Variants in AGBL4 observed in about 807,000 individuals in gnomAD.
AGBL4 encodes the protein AGBL carboxypeptidase 4.
Under a neutral mutation model 66.4 loss-of-function variants are expected in AGBL4, and 58 were observed. The observed-to-expected ratio is 0.87, with a 90% CI of 0.71 to 1.09. The LOEUF (loss-of-function observed/expected upper bound fraction) is 1.09. Ranked by LOEUF, AGBL4 falls within the 50% of genes least tolerant of loss-of-function variation. AGBL4 has a pLI of 0.00. For synonymous variants in AGBL4, 234 were observed against 222.9 expected (o/e 1.05, Z -0.44); for missense variants, 579 against 631.0 (o/e 0.92, Z 0.88).
At chr1:48,683,454 C>G (rs928778687) in intron 6 of AGBL4, among the ~76,000 whole-genome samples, 3 of 152,248 alleles carry the variant, frequency 2.0e-5, no homozygotes, top group Non-Finnish European at 2.9e-5. Flanking sequence ...GCAGTCCACA[C>G]AGAGTCTCAT....
intron 6 of AGBL4, among the ~76,000 whole-genome samples, chr1:48,771,702 A>G (rs1644842406): frequency 6.6e-6 from 1 of 152,214 alleles, no homozygotes; most frequent in Non-Finnish European, 1.5e-5. Flanking sequence ...CAATCTTTGC[A>G]TATGAAATCG....
chr1:49,827,385 AT>A (rs2148005943), intron 2 of AGBL4, among the ~76,000 whole-genome samples: 1 of 152,298 alleles, frequency 6.6e-6, no homozygotes, highest in East Asian at 1.9e-4. Context: ...AGCTATTAGA[AT>A]TTTTGAAATT....
chr1:48,805,466 G>T (rs1645902154), intron 6 of AGBL4, among the ~76,000 whole-genome samples: 1 of 152,094 alleles, frequency 6.6e-6, no homozygotes, highest in South Asian at 2.1e-4. Flanking sequence ...CATATTTCAT[G>T]GGGATTTCCT....
intron 4 of AGBL4, among the ~76,000 whole-genome samples, chr1:49,047,378 A>G (rs1414309433): frequency 6.6e-6 from 1 of 152,168 alleles, no homozygotes; most frequent in East Asian, 1.9e-4. Context: ...CAGAGGTAGT[A>G]TCAAAGGTTG....
chr1:49,107,694 TGAGAGAGAGAGAGAGAGAGA>T (rs56321932), intron 4 of AGBL4, among the ~76,000 whole-genome samples: 4 of 113,944 alleles, frequency 3.5e-5, no homozygotes, highest in Non-Finnish European at 6.9e-5. Flanking sequence ...TGTGTGTGTG[TGAGAGAGAGAGAGAGAGAGA>T]GAGAGAGAGA....
chr1:49,375,863 CAG>C (rs1185950641), intron 3 of AGBL4, among the ~76,000 whole-genome samples: 2 of 152,112 alleles, frequency 1.3e-5, no homozygotes, highest in African/African-American at 4.8e-5. Context: ...CCTTTCTCGA[CAG>C]AGTCTGACCT....
At position 50,023,927 on chromosome 1, in the gene AGBL4, C is replaced by A; in HGVS notation, c.-131G>T. Reference sequence around the variant, plus strand: ...CGACGGTTGCCTGGGCAACGGGCGGCAGGCGCGCGGGTGGCCGGCGCGCGG... The same window carrying A: ...CGACGGTTGCCTGGGCAACGGGCGGAAGGCGCGCGGGTGGCCGGCGCGCGG... On this transcript the variant is annotated 5_prime_UTR_variant, in exon 1 of 14. Transcript: ENST00000371839. The A allele has an allele frequency of 9.2e-7, 1 of 1,088,174 alleles. No individual in the cohort carries two copies. The highest frequency in any genetic ancestry group is 1.3e-6 in the Non-Finnish European group (1 of 798,728). The allele number at this position is 1,088,174 out of a possible 1,614,324, so 67.4% of individuals were successfully genotyped here.
intron 1 of AGBL4, among the ~76,000 whole-genome samples, chr1:49,860,327 C>T (rs573559592): frequency 6.6e-6 from 1 of 152,354 alleles, no homozygotes; most frequent in Non-Finnish European, 1.5e-5. Flanking sequence ...CAAACACTTA[C>T]ATGGTCAATT....
At chr1:48,531,901 A>G (rs1378109065), downstream of AGBL4, among the ~76,000 whole-genome samples, 1 of 152,110 alleles carries the variant, frequency 6.6e-6, no homozygotes, top group Non-Finnish European at 1.5e-5. Flanking sequence ...CTCCTGCCCC[A>G]GCCTCCTGAG....
chr1:49,263,427 T>C (rs911982340), intron 3 of AGBL4, among the ~76,000 whole-genome samples: 11 of 151,928 alleles, frequency 7.2e-5, no homozygotes, highest in Non-Finnish European at 1.6e-4. Context: ...AGAACTATTA[T>C]AAATCAAAAT....
At chr1:49,227,754 G>T (rs1269482150) in intron 4 of AGBL4, among the ~76,000 whole-genome samples, 1 of 152,096 alleles carries the variant, frequency 6.6e-6, no homozygotes, top group African/African-American at 2.4e-5. Flanking sequence ...ACTGAGTTCT[G>T]ATCTCATCAT....
intron 4 of AGBL4, among the ~76,000 whole-genome samples, chr1:49,084,233 G>T (rs760784775): frequency 6.6e-6 from 1 of 152,086 alleles, no homozygotes; most frequent in South Asian, 2.1e-4. Context: ...GTCTCTGCCT[G>T]TTACCCAGTT....
At chr1:49,039,067 G>A (rs1458191142) in intron 5 of AGBL4, among the ~76,000 whole-genome samples, 2 of 152,090 alleles carry the variant, frequency 1.3e-5, no homozygotes, top group Admixed American at 6.6e-5. Flanking sequence ...TTAAGTGCAT[G>A]TCACGAAGCG....
At chr1:48,887,135 T>C (rs1340897035) in intron 5 of AGBL4, among the ~76,000 whole-genome samples, 2 of 152,076 alleles carry the variant, frequency 1.3e-5, no homozygotes, top group African/African-American at 4.8e-5. Context: ...CAGAATCTTC[T>C]GTGTGAGCAA....
intron 4 of AGBL4, among the ~76,000 whole-genome samples, chr1:49,162,901 T>C (rs1045542081): frequency 3.9e-5 from 6 of 152,242 alleles, no homozygotes; most frequent in African/African-American, 1.4e-4. Flanking sequence ...CTTTGTTGTT[T>C]TGCTTGATAC....
intron 6 of AGBL4, among the ~76,000 whole-genome samples, chr1:48,730,719 T>G: frequency 6.6e-6 from 1 of 152,200 alleles, no homozygotes; most frequent in East Asian, 1.9e-4. Flanking sequence ...ATTAATCACC[T>G]GCAGTTGCCG....
intron 4 of AGBL4, among the ~76,000 whole-genome samples, chr1:49,074,252 T>C (rs2147942178): frequency 6.6e-6 from 1 of 152,308 alleles, no homozygotes; most frequent in African/African-American, 2.4e-5. Context: ...ATGGGAAAAG[T>C]GCAGTATCTG....
chr1:49,237,596 TG>T (rs1650888947), intron 4 of AGBL4, among the ~76,000 whole-genome samples: 2 of 147,578 alleles, frequency 1.4e-5, no homozygotes, highest in African/African-American at 5.1e-5. Flanking sequence ...AGTCTACTGG[TG>T]TTGACATTTA....
chr1:48,599,247 A>C (rs1645041032), intron 9 of AGBL4, among the ~76,000 whole-genome samples: 1 of 152,264 alleles, frequency 6.6e-6, no homozygotes, highest in Admixed American at 6.5e-5. Flanking sequence ...AGTACACTCT[A>C]AAATAACAAT....
Sources: gnomAD v4.1 joint callset for allele counts (sites outside exome capture counted in the v4.1 genomes callset) on GRCh38, gnomAD v4.1.1 for gene constraint, MANE v1.5 for transcripts, NCBI Gene and HGNC (gene_info 2026-07-23, HGNC 2026-07-21) for gene names.